C9orf57: variants seen among roughly 807,000 people sequenced by gnomAD.
The protein encoded by C9orf57 is uncharacterized protein C9orf57.
A neutral mutation model predicts 12.9 loss-of-function variants in C9orf57; 12 were observed. That is an observed-to-expected ratio of 0.93 (90% CI 0.60 to 1.51). The LOEUF is 1.51. C9orf57 is among the 40% of genes most tolerant of loss of function. The pLI, the probability that C9orf57 is intolerant of heterozygous loss-of-function variation, is 0.00. For missense variants in C9orf57, 141 were observed against 162.8 expected (o/e 0.87, Z 0.73); for synonymous variants, 49 against 57.1 (o/e 0.86, Z 0.64).
chr9:72,059,745 C>A (rs1265113910), intron 1 of C9orf57, among the ~76,000 whole-genome samples: 2 of 152,110 alleles, frequency 1.3e-5, no homozygotes, highest in Non-Finnish European at 2.9e-5. Flanking sequence ...CGCTTGAACC[C>A]AGGATGCAAA....
At chr9:72,055,232 C>T (rs772446653) in intron 4 of C9orf57, among the ~76,000 whole-genome samples, 4 of 151,838 alleles carry the variant, frequency 2.6e-5, no homozygotes, top group Non-Finnish European at 5.9e-5. Flanking sequence ...TCACTGTGCC[C>T]GGTCTGGATT....
At chr9:72,054,914 A>ATTTT (rs71353558) in intron 4 of C9orf57, among the ~76,000 whole-genome samples, 1,331 of 96,446 alleles carry the variant, frequency 0.014, 34 homozygotes, top group African/African-American at 0.034. Flanking sequence ...GGGGTTTGGG[A>ATTTT]TTTTTTTTTT....
At chr9:72,060,451 T>G in intron 1 of C9orf57, 46 bp downstream of exon 1, 1 of 959,414 alleles carries the variant, frequency 1.0e-6, no homozygotes. Context: ...AGGGAAGAAA[T>G]TGTAAGATTG....
rs972071161 is a variant in C9orf57 at position 72,051,640 on chromosome 9, G to C, written c.*656C>G. 6.6e-6 allele frequency: 1 copy of C among 152,148 alleles called. No individual in the cohort carries two copies. The highest frequency in any genetic ancestry group is 1.5e-5 in the Non-Finnish European group (1 of 68,050). 9.4% of individuals were successfully genotyped at this position (152,148 alleles called of 1,614,324 possible). A position where few individuals can be genotyped will look rare whatever the true frequency, so the allele number is the denominator to read the frequency against. On this transcript the variant is annotated 3_prime_UTR_variant, in exon 5 of 5. Transcript: ENST00000651200. Reference sequence around the variant, plus strand: ...TGCTTAATCTGCCAAAATTGAACAAGCCAAAGCATTTAGGCATGGTTAAGG... The same window carrying C: ...TGCTTAATCTGCCAAAATTGAACAACCCAAAGCATTTAGGCATGGTTAAGG...
In C9orf57 at chr9:72,056,068, A is replaced by T. The variant is rs1380134218; in HGVS notation, c.280+6T>A. The stretch of plus-strand genomic sequence containing the variant: ...TAATTAAAATTTTTAAAGTGTCAAA[A>T]CTTACCTTGAATGTGGACCTCTTCT... On this transcript the variant is annotated splice_donor_region_variant and intron_variant, in intron 4 of 4. Coordinates refer to ENST00000651200, the MANE Select transcript of C9orf57 (RefSeq NM_001128618.2). 2 of 1,544,566 alleles carry T rather than the reference A, an allele frequency of 1.3e-6. No individual in the cohort carries two copies. Among genetic ancestry groups the T allele is most frequent in the Non-Finnish European group, 1.7e-6 (2 of 1,143,264 alleles).
intron 2 of C9orf57, 135 bp from the exon 3 acceptor site, chr9:72,056,978 C>T (rs564027429): frequency 1.4e-4 from 89 of 633,822 alleles, no homozygotes; most frequent in Non-Finnish European, 2.2e-4. Flanking sequence ...GGCACAATCT[C>T]GGCTCACTGC....
chr9:72,059,287 TA>T lies in C9orf57; in HGVS notation c.44del (p.Leu15Ter). 2 of 1,551,376 alleles carry T rather than the reference TA, an allele frequency of 1.3e-6. No individual in the cohort carries two copies. Among genetic ancestry groups the T allele is most frequent in the Non-Finnish European group, 8.7e-7 (1 of 1,146,916 alleles). On this transcript the variant is annotated frameshift_variant, in exon 2 of 5. Coordinates refer to ENST00000651200, the MANE Select transcript of C9orf57 (RefSeq NM_001128618.2). LOFTEE classifies it high-confidence loss of function. The stretch of plus-strand genomic sequence containing the variant: ...CTAAGAGGCGGAATAAGATAACACC[TA>T]AGAGGCGGAATAAGATAACACCAGC... ...VFAGVILFRL[L>X]GVILFRLLGV...
chr9:72,054,416 C>T (rs1196342999), intron 4 of C9orf57, among the ~76,000 whole-genome samples: 2 of 152,258 alleles, frequency 1.3e-5, no homozygotes, highest in African/African-American at 2.4e-5. Context: ...ATTGCTTTGT[C>T]GAAGGCTGTG....
chr9:72,052,199 G>C lies in C9orf57; in HGVS notation c.*97C>G, dbSNP rs1589298156. The stretch of plus-strand genomic sequence containing the variant: ...CTACCTACAAGGGTCTGAGGTTTCT[G>C]AAGTGGGCTAATTGACAATAGCCAT... On this transcript the variant is annotated 3_prime_UTR_variant, in exon 5 of 5. Transcript: ENST00000651200. 2 of 1,372,116 alleles carry C rather than the reference G, an allele frequency of 1.5e-6. No individual in the cohort carries two copies. Among genetic ancestry groups the C allele is most frequent in the East Asian group, 5.0e-5 (2 of 39,760 alleles). The allele number at this position is 1,372,116 out of a possible 1,614,324, so 85.0% of individuals were successfully genotyped here. A position where few individuals can be genotyped will look rare whatever the true frequency, so the allele number is the denominator to read the frequency against.
intron 4 of C9orf57, among the ~76,000 whole-genome samples, chr9:72,053,531 A>T (rs973933612): frequency 6.6e-6 from 1 of 152,146 alleles, no homozygotes; most frequent in Non-Finnish European, 1.5e-5. Context: ...CTCTGGCCAC[A>T]TTCAGGAAGA....
In C9orf57 at chr9:72,051,453, T is replaced by TTTAAA. The variant is rs1310444027; in HGVS notation, c.*838_*842dup. On this transcript the variant is annotated 3_prime_UTR_variant, in exon 5 of 5. Transcript: ENST00000651200. ...AGAGAAAGACAGTTTTAAATTAAAT[T>TTTAAA]TTAAATTAAATTAAATTAATGCAGT... 2.0e-5 allele frequency: 3 copies of TTTAAA among 152,194 alleles called. No homozygotes were observed. The highest frequency in any genetic ancestry group is 3.8e-4 in the East Asian group (2 of 5,200). 9.4% of individuals were successfully genotyped at this position (152,194 alleles called of 1,614,324 possible). A position where few individuals can be genotyped will look rare whatever the true frequency, so the allele number is the denominator to read the frequency against.
chr9:72,052,425 T>C lies in C9orf57; in HGVS notation c.291A>G (p.Gln97=). ...TTGTGCAGCCTTTGACTGAATACCA[T>C]TGAATGCCACCTGACGGAGAGAAAA... The part of the protein sequence containing the change: ...KEEVHIQGGI[Q]WYSVKGCTKN... Residue 97 remains glutamine (Q), a synonymous_variant, in exon 5 of 5, where the codon CAA becomes CAG. Coordinates refer to ENST00000651200, the MANE Select transcript of C9orf57 (RefSeq NM_001128618.2). 6.4e-7 allele frequency: 1 copy of C among 1,551,986 alleles called. No individual in the cohort carries two copies. Among genetic ancestry groups the C allele is most frequent in the Non-Finnish European group, 8.7e-7 (1 of 1,146,992 alleles).
Position 72,056,188 on chromosome 9 carries a change from C to T in C9orf57, c.166G>A (p.Gly56Ser). 6.5e-7 allele frequency: 1 copy of T among 1,549,076 alleles called. No homozygotes were observed. The highest frequency in any genetic ancestry group is 8.7e-7 in the Non-Finnish European group (1 of 1,145,522). ...AGATTGCATGCTCTGCAAATCAAAC[C>T]TCCAACATCTCCAAGTACAGGGGCA... ...KEEVHIQDVG[G>S]LICRACNLSL... Residue 56 changes from glycine to serine, a missense_variant, in exon 4 of 5, where the codon GGT becomes AGT. Physicochemically the swap from Gly to Ser is moderately conservative, Grantham distance 56 (BLOSUM62 0). Coordinates refer to ENST00000651200, the MANE Select transcript of C9orf57 (RefSeq NM_001128618.2).
Position 72,059,266 on chromosome 9 carries a change from G to C in C9orf57, c.66C>G (p.Leu22=). The stretch of plus-strand genomic sequence containing the variant: ...AGCGGCCGAATAAGATAACACCTAA[G>C]AGGCGGAATAAGATAACACCTAAGA... ...FRLLGVILFR[L]LGVILFGRLG... is the part of the protein sequence containing the mutation. The change falls in exon 2 of 5, where the codon CTC becomes CTG. Residue 22 remains leucine, a synonymous_variant. Coordinates refer to ENST00000651200, the MANE Select transcript of C9orf57 (RefSeq NM_001128618.2). 6.4e-7 allele frequency: 1 copy of C among 1,550,938 alleles called. No individual in the cohort carries two copies. Among genetic ancestry groups the C allele is most frequent in the Non-Finnish European group, 8.7e-7 (1 of 1,146,862 alleles).
At chr9:72,052,466 C>T in intron 4 of C9orf57, 31 bp from the exon 5 acceptor site, 1 of 1,547,190 alleles carries the variant, frequency 6.5e-7, no homozygotes, top group South Asian at 1.2e-5. Context: ...AAGGAAATTT[C>T]TTGGGAGGTA....
rs777836370 is a variant in C9orf57, at chr9:72,055,354, T to TTCCCTCCC, written c.280+712_280+719dup. On this transcript the variant is annotated intron_variant, in intron 4 of 4. Coordinates refer to ENST00000651200, the MANE Select transcript of C9orf57 (RefSeq NM_001128618.2). ...TTTCCTTCCTTCCTTCCTTCATTCT[T>TTCCCTCCC]TCCCTCCCTCCCTCCCTCCCTCCTT... Among the ~76,000 whole-genome samples the TTCCCTCCC allele has an allele frequency of 1.5e-3, 40 of 26,636 alleles. 4 individuals carry two copies. Among genetic ancestry groups the TTCCCTCCC allele is most frequent in the African/African-American group, 4.2e-3 (26 of 6,244 alleles). The allele number at this position is 26,636 out of a possible 152,430, so 17.5% of individuals were successfully genotyped here. A position where few individuals can be genotyped will look rare whatever the true frequency, so the allele number is the denominator to read the frequency against.
At chr9:72,055,865 G>A (rs1300229958) in intron 4 of C9orf57, among the ~76,000 whole-genome samples, 1 of 152,096 alleles carries the variant, frequency 6.6e-6, no homozygotes, top group Non-Finnish European at 1.5e-5. Flanking sequence ...CTATGTGACT[G>A]TGCAAATTAC....
chr9:72,056,252 C>T (rs780794706), intron 3 of C9orf57, 56 bp from the exon 4 acceptor site: 85 of 1,454,884 alleles, frequency 5.8e-5, no homozygotes, highest in East Asian at 1.0e-4. Flanking sequence ...AGAGAGAAAA[C>T]GAGGAAGGAA....
rs1824315182 is a variant in C9orf57 at position 72,060,559 on chromosome 9, G to C, written c.-116C>G. On this transcript the variant is annotated 5_prime_UTR_variant, in exon 1 of 5. Coordinates refer to ENST00000651200, the MANE Select transcript of C9orf57 (RefSeq NM_001128618.2). ...GGTCTGAACTTTCTTAAAAGGATGA[G>C]AACGAGTACAATTTGTGATGTGATG... 2 of 1,547,210 alleles carry C rather than the reference G, an allele frequency of 1.3e-6. No homozygotes were observed. Among genetic ancestry groups the C allele is most frequent in the Non-Finnish European group, 1.7e-6 (2 of 1,144,442 alleles).
Sources: gnomAD v4.1 joint callset for allele counts (sites outside exome capture counted in the v4.1 genomes callset) on GRCh38, gnomAD v4.1.1 for gene constraint, MANE v1.5 for transcripts, NCBI Gene and HGNC (gene_info 2026-07-23, HGNC 2026-07-21) for gene names.